The following NAV2 variants were observed in gnomAD, a reference collection of about 807,000 sequenced individuals.
The protein encoded by NAV2 is neuron navigator 2.
A neutral mutation model predicts 223.2 loss-of-function variants in NAV2; 54 were observed. The ratio of observed to expected loss-of-function variants is 0.24; its 90% CI spans 0.19 to 0.30. The LOEUF (loss-of-function observed/expected upper bound fraction) is 0.30. NAV2 is among the 10% of genes least tolerant of loss of function. The pLI is 1.00. For synonymous variants in NAV2, 1,279 were observed against 1,239.3 expected, an observed-to-expected ratio of 1.03 and a Z score of -0.67; for missense variants, 2,806 against 3,147.5, an observed-to-expected ratio of 0.89 and a Z score of 2.60.
intron 1 of NAV2, 189 bp downstream of exon 1, chr11:19,714,151 G>A: frequency 1.2e-6 from 1 of 837,888 alleles, no homozygotes; most frequent in Non-Finnish European, 1.9e-6. Flanking sequence ...TGTGGCCCGG[G>A]TGCCGGAGGT....
At chr11:19,928,729 G>A (rs1263297995) in intron 6 of NAV2, among the ~76,000 whole-genome samples, 1 of 152,126 alleles carries the variant, frequency 6.6e-6, no homozygotes, top group Non-Finnish European at 1.5e-5. Flanking sequence ...GCCCAGATTT[G>A]AATAGAAGCA....
chr11:19,849,883 A>C (rs1459825839), intron 3 of NAV2, among the ~76,000 whole-genome samples: 1 of 152,144 alleles, frequency 6.6e-6, no homozygotes, highest in Non-Finnish European at 1.5e-5. Context: ...TTGTCTTTCA[A>C]AGGTGGCAAC....
rs561083163 is a variant in NAV2 at position 19,624,712 on chromosome 11, C to T, written c.76-207772C>T. On this transcript the variant is annotated intron_variant, in intron 1 of 37. Transcript: ENST00000360655. ...GACCCCTTGTGCTTCCTGGGTGAGG[C>T]GATTCCTCGCCCTGCTTCGGCTCAC... is the stretch of plus-strand genomic sequence containing the variant. 9.9e-5 allele frequency among the ~76,000 whole-genome samples: 15 copies of T among 152,282 alleles called. No homozygotes were observed. The East Asian group carries it at 1.7e-3, about 18-fold the overall frequency.
chr11:19,499,461 C>G (rs982470009), intron 1 of NAV2, among the ~76,000 whole-genome samples: 1 of 152,154 alleles, frequency 6.6e-6, no homozygotes, highest in African/African-American at 2.4e-5. Context: ...TGTTGTGAGT[C>G]GTTTCTAAGG....
intron 1 of NAV2, chr11:19,502,923 A>G (rs2043004651): frequency 6.6e-6 from 1 of 152,130 alleles, no homozygotes; most frequent in Non-Finnish European, 1.5e-5. Flanking sequence ...CAGTGTCCAC[A>G]TTGTGTTAGT....
intron 1 of NAV2, among the ~76,000 whole-genome samples, chr11:19,442,562 T>G (rs1851443589): frequency 6.6e-6 from 1 of 152,204 alleles, no homozygotes; most frequent in Middle Eastern, 3.2e-3. Flanking sequence ...GACCTTTCTC[T>G]GCTGTTGCTG....
In NAV2 at chr11:20,103,631, TTTTCC is replaced by T; in HGVS notation, c.6573-18_6573-14del. 6.2e-7 allele frequency: 1 copy of T among 1,613,376 alleles called. No homozygotes were observed. The stretch of plus-strand genomic sequence containing the variant: ...AGCTTGGCTTGGAATCACAGCTTTC[TTTTCC>T]TTTATTTTATCCGCAGCCCTTACAT... On this transcript the variant is annotated splice_polypyrimidine_tract_variant and intron_variant, in intron 33 of 37. Transcript: ENST00000349880.
chr11:19,393,357 A>G (rs1849320167), intron 1 of NAV2, among the ~76,000 whole-genome samples: 1 of 152,232 alleles, frequency 6.6e-6, no homozygotes, highest in Non-Finnish European at 1.5e-5. Context: ...CTTCTAAAAT[A>G]TGCTGGCTTG....
At position 19,933,959 on chromosome 11, in the gene NAV2, T is replaced by G. The variant is rs190496095; in HGVS notation, c.1715T>G (p.Met572Arg). 5.6e-6 allele frequency: 9 copies of G among 1,596,732 alleles called. No homozygotes were observed. The East Asian group carries it at 1.8e-4, about 32-fold the overall frequency. Residue 572 changes from methionine to arginine, a missense_variant, in exon 7 of 38, where the codon ATG becomes AGG. Coordinates refer to ENST00000349880, the MANE Select transcript of NAV2 (RefSeq NM_145117.5). The surrounding 1 kb of genome is among the most constrained non-coding windows in gnomAD (Gnocchi z 4.3). ...ATACCAAAACCAGGAATGAAAAGCATGCCCGGGAAATCCCCAAGTGCCCCA... is the reference window on the plus strand; with the variant it reads ...ATACCAAAACCAGGAATGAAAAGCAGGCCCGGGAAATCCCCAAGTGCCCCA... ...SGIPKPGMKS[M>R]PGKSPSAPAP...
At chr11:20,035,385 G>A (rs1222812407) in intron 11 of NAV2, among the ~76,000 whole-genome samples, 2 of 152,204 alleles carry the variant, frequency 1.3e-5, no homozygotes, top group Non-Finnish European at 2.9e-5. Context: ...CGGTTGGAGG[G>A]TTGGGAAATG....
chr11:19,405,582 C>G (rs1212370856), intron 1 of NAV2, among the ~76,000 whole-genome samples: 1 of 152,250 alleles, frequency 6.6e-6, no homozygotes, highest in Non-Finnish European at 1.5e-5. Flanking sequence ...CCCTTGCATA[C>G]TCATGAGGTG....
At chr11:19,580,378 A>G (rs917978445) in intron 1 of NAV2, among the ~76,000 whole-genome samples, 1 of 151,472 alleles carries the variant, frequency 6.6e-6, no homozygotes, top group Admixed American at 6.6e-5. Context: ...TTTTACAGTT[A>G]TGGGGGCTGA....
intron 10 of NAV2, among the ~76,000 whole-genome samples, chr11:19,975,644 G>A (rs2049652665): frequency 6.6e-6 from 1 of 152,230 alleles, no homozygotes; most frequent in African/African-American, 2.4e-5. Flanking sequence ...GACCCAAGCA[G>A]TGGTGAGATT....
chr11:19,728,513 C>T (rs1333192686), intron 1 of NAV2, among the ~76,000 whole-genome samples: 1 of 152,192 alleles, frequency 6.6e-6, no homozygotes, highest in Non-Finnish European at 1.5e-5. Flanking sequence ...AGCGAGTGGT[C>T]ATTGCCACAC....
At chr11:19,366,569 T>C (rs932771264) in intron 1 of NAV2, among the ~76,000 whole-genome samples, 2 of 152,096 alleles carry the variant, frequency 1.3e-5, no homozygotes, top group Non-Finnish European at 2.9e-5. Context: ...CAGTGGTGGA[T>C]CAGAGGCAGA....
chr11:19,777,976 G>A (rs1477343682), intron 1 of NAV2: 1 of 455,452 alleles, frequency 2.2e-6, no homozygotes, highest in South Asian at 1.5e-5. Context: ...GAATACATGA[G>A]CCCCGAGTGA....
At chr11:19,813,320 GC>G (rs2058934991) in intron 1 of NAV2, among the ~76,000 whole-genome samples, 1 of 152,190 alleles carries the variant, frequency 6.6e-6, no homozygotes, top group African/African-American at 2.4e-5. Context: ...AGCAGCCACT[GC>G]CTGGTTCAAG....
intron 24 of NAV2, among the ~76,000 whole-genome samples, chr11:20,079,770 A>G (rs993507122): frequency 2.6e-5 from 4 of 152,036 alleles, no homozygotes; most frequent in Admixed American, 6.5e-5. Flanking sequence ...TCACAAGCAC[A>G]TTTCCACACC....
intron 2 of NAV2, among the ~76,000 whole-genome samples, chr11:19,840,156 T>A (rs1342449652): frequency 6.6e-6 from 1 of 152,230 alleles, no homozygotes; most frequent in African/African-American, 2.4e-5. Context: ...TTTTATTAAT[T>A]ATTTATTTTG....
Sources: allele counts gnomAD v4.1 joint callset (sites outside exome capture counted in the v4.1 genomes callset), GRCh38; gene constraint gnomAD v4.1.1; non-coding constraint Gnocchi (gnomAD v3.1); transcripts MANE v1.5; gene names NCBI Gene and HGNC (gene_info 2026-07-23, HGNC 2026-07-21).